Variants in ZNF385D observed in about 807,000 individuals in gnomAD.
The protein encoded by ZNF385D is zinc finger protein 385D.
A neutral mutation model predicts 35.8 loss-of-function variants in ZNF385D; 15 were observed. The observed-to-expected ratio is 0.42, with a 90% CI of 0.28 to 0.64. The LOEUF (loss-of-function observed/expected upper bound fraction) is 0.64, where lower values mean the gene tolerates loss of function less well. ZNF385D is among the 30% of genes least tolerant of loss of function. The pLI is 0.23. For synonymous variants in ZNF385D, 212 were observed against 186.8 expected (o/e 1.13, Z -1.10); for missense variants, 474 against 494.6 (o/e 0.96, Z 0.39).
At chr3:21,853,256 C>A (rs2673515) in intron 3 of ZNF385D, among the ~76,000 whole-genome samples, 1 of 151,680 alleles carries the variant, frequency 6.6e-6, no homozygotes. Context: ...TGCCTATAAT[C>A]ACTTTCCATA....
intron 2 of ZNF385D, among the ~76,000 whole-genome samples, chr3:22,178,472 T>C (rs1041580809): frequency 3.9e-5 from 6 of 152,256 alleles, no homozygotes; most frequent in Non-Finnish European, 8.8e-5. Context: ...TTGTAGATTC[T>C]GGATATTAGC....
intron 3 of ZNF385D, among the ~76,000 whole-genome samples, chr3:22,085,012 G>A (rs1700951253): frequency 6.6e-6 from 1 of 152,142 alleles, no homozygotes; most frequent in Non-Finnish European, 1.5e-5. Context: ...AAATAAAGAT[G>A]TTCTTTGAAA....
At chr3:21,886,040 A>G (rs1206332058) in intron 3 of ZNF385D, among the ~76,000 whole-genome samples, 1 of 152,154 alleles carries the variant, frequency 6.6e-6, no homozygotes, top group African/African-American at 2.4e-5. Context: ...AACATCCAGA[A>G]TAATGTTTGA....
chr3:22,284,173 G>C (rs1034266099), intron 2 of ZNF385D, among the ~76,000 whole-genome samples: 1 of 137,334 alleles, frequency 7.3e-6, no homozygotes, highest in South Asian at 2.3e-4. Flanking sequence ...AATAAACACA[G>C]GATTTTTGTT....
At chr3:21,432,806 A>G (rs775933217) in intron 5 of ZNF385D, among the ~76,000 whole-genome samples, 27 of 152,048 alleles carry the variant, frequency 1.8e-4, no homozygotes, top group Non-Finnish European at 3.4e-4. Context: ...AAAAAAAATC[A>G]AAGTAGGAAT....
chr3:22,291,129 A>C (rs994415789), intron 2 of ZNF385D, among the ~76,000 whole-genome samples: 1 of 152,132 alleles, frequency 6.6e-6, no homozygotes, highest in Non-Finnish European at 1.5e-5. Flanking sequence ...GAGGGCACAA[A>C]AATTCAGTCC....
chr3:21,922,125 A>T (rs1700495788), intron 3 of ZNF385D, among the ~76,000 whole-genome samples: 1 of 150,302 alleles, frequency 6.7e-6, no homozygotes, highest in South Asian at 2.1e-4. Context: ...ACACTGCTAA[A>T]AGAAATCATA....
intron 3 of ZNF385D, among the ~76,000 whole-genome samples, chr3:21,870,923 G>C (rs1023895832): frequency 3.9e-5 from 6 of 152,066 alleles, no homozygotes; most frequent in Admixed American, 2.0e-4. Context: ...TGTCTTCCTA[G>C]TTGCACTCTT....
chr3:22,067,653 T>C (rs1049910487), intron 3 of ZNF385D, among the ~76,000 whole-genome samples: 2 of 152,226 alleles, frequency 1.3e-5, no homozygotes, highest in African/African-American at 4.8e-5. Context: ...AACTTTTTAA[T>C]GGGAAAGGAT....
At chr3:21,560,757 C>G (rs1454975310) in intron 3 of ZNF385D, among the ~76,000 whole-genome samples, 1 of 152,182 alleles carries the variant, frequency 6.6e-6, no homozygotes, top group African/African-American at 2.4e-5. Flanking sequence ...CTGCCTCTTT[C>G]CCCAGGTGCT....
intron 3 of ZNF385D, among the ~76,000 whole-genome samples, chr3:21,860,718 T>C (rs1177936911): frequency 6.6e-6 from 1 of 152,124 alleles, no homozygotes; most frequent in African/African-American, 2.4e-5. Flanking sequence ...TGCCTCAAAA[T>C]CATATATTAA....
chr3:21,670,985 A>G (rs9876576), intron 1 of ZNF385D, among the ~76,000 whole-genome samples: 2,167 of 152,072 alleles, frequency 0.014, 52 homozygotes, highest in African/African-American at 0.048. Flanking sequence ...GTCCTCTGCT[A>G]CCCTATTTGA....
chr3:21,635,984 T>C (rs1253187920), intron 2 of ZNF385D, among the ~76,000 whole-genome samples: 1 of 152,152 alleles, frequency 6.6e-6, no homozygotes, highest in Non-Finnish European at 1.5e-5. Flanking sequence ...GCTGGTTCCA[T>C]ATTTTTGCAA....
At chr3:22,297,854 G>A (rs909990003) in intron 2 of ZNF385D, among the ~76,000 whole-genome samples, 2 of 152,072 alleles carry the variant, frequency 1.3e-5, no homozygotes, top group Non-Finnish European at 2.9e-5. Flanking sequence ...CATTTTAAAA[G>A]TATGTTTAAA....
intron 3 of ZNF385D, among the ~76,000 whole-genome samples, chr3:21,785,538 T>C (rs1279422521): frequency 6.6e-6 from 1 of 152,220 alleles, no homozygotes; most frequent in Non-Finnish European, 1.5e-5. Context: ...CTTTGTACCC[T>C]TTAACCATCA....
chr3:21,672,942 G>A (rs937296657), intron 1 of ZNF385D, among the ~76,000 whole-genome samples: 1 of 152,106 alleles, frequency 6.6e-6, no homozygotes, highest in African/African-American at 2.4e-5. Flanking sequence ...CAGGCAAGGA[G>A]TTTTAAATAT....
At chr3:21,799,089 G>A (rs925383443) in intron 3 of ZNF385D, among the ~76,000 whole-genome samples, 1 of 152,070 alleles carries the variant, frequency 6.6e-6, no homozygotes, top group Non-Finnish European at 1.5e-5. Flanking sequence ...AATTCACTTA[G>A]CATGTTTTCA....
At chr3:21,725,148 C>T (rs13059055) in intron 1 of ZNF385D, among the ~76,000 whole-genome samples, 24,659 of 152,050 alleles carry the variant, frequency 0.16, 2,423 homozygotes, top group Admixed American at 0.29. Context: ...AACAAAGACA[C>T]GATGTACCAG....
intron 3 of ZNF385D, among the ~76,000 whole-genome samples, chr3:21,812,207 C>A (rs1233341854): frequency 6.6e-6 from 1 of 152,156 alleles, no homozygotes; most frequent in African/African-American, 2.4e-5. Context: ...TTAAATATTC[C>A]TTTAAAAGAT....
Sources: gnomAD v4.1 joint callset for allele counts (sites outside exome capture counted in the v4.1 genomes callset) on GRCh38, gnomAD v4.1.1 for gene constraint, MANE v1.5 for transcripts, NCBI Gene and HGNC (gene_info 2026-07-23, HGNC 2026-07-21) for gene names.